Variants in TUBB3 observed in about 807,000 individuals in gnomAD.
The protein encoded by TUBB3 is tubulin beta-3 chain.
TUBB3 carries 17 observed loss-of-function variants against 37.8 expected under a neutral mutation model. The observed-to-expected ratio is 0.45, with a 90% CI of 0.31 to 0.67. The LOEUF is 0.67. Among genes scored for constraint, TUBB3 ranks in the 30% least tolerant of loss-of-function variants. TUBB3 has a pLI of 0.07. For synonymous variants in TUBB3, 332 were observed against 278.9 expected, an observed-to-expected ratio of 1.19 and a Z score of -1.90; for missense variants, 262 against 657.9, an observed-to-expected ratio of 0.40 and a Z score of 6.58.
intron 1 of TUBB3, chr16:89,931,544 C>CTCT (rs57346585): frequency 0.34 from 51,300 of 152,346 alleles, 9,183 homozygotes; most frequent in East Asian, 0.65. Context: ...GAAGGGCTTG[C>CTCT]TCTCACCCAG....
At chr16:89,929,776 A>C (rs2030215567) in intron 1 of TUBB3, among the ~76,000 whole-genome samples, 1 of 152,096 alleles carries the variant, frequency 6.6e-6, no homozygotes, top group Non-Finnish European at 1.5e-5. Flanking sequence ...ACATAAGCTC[A>C]CTGCAACCTC....
intron 1 of TUBB3, among the ~76,000 whole-genome samples, chr16:89,925,134 A>T (rs4625719): frequency 0.11 from 16,751 of 152,016 alleles, 992 homozygotes; most frequent in Middle Eastern, 0.13. Context: ...ACATGCAGAC[A>T]TCCCCTGAGG....
rs1041742241 is a variant in TUBB3 at position 89,929,811 on chromosome 16, C to T, written c.58-2760C>T. Among the ~76,000 whole-genome samples, 6 of 152,206 alleles carry T rather than the reference C, an allele frequency of 3.9e-5. No homozygotes were observed. The South Asian group carries it at 8.3e-4, about 21-fold the overall frequency. ...CCACCTCCCGAGTTCGTGTGATTCT[C>T]CGCCTCAGCCTCCCAAGCAGCTGGG... On this transcript the variant is annotated intron_variant, in intron 1 of 3. Coordinates refer to ENST00000315491, the MANE Select transcript of TUBB3 (RefSeq NM_006086.4).
intron 2 of TUBB3, chr16:89,933,181 G>T: frequency 1.5e-6 from 1 of 659,958 alleles, no homozygotes; most frequent in Non-Finnish European, 2.8e-6. Context: ...ACCTGCCTTG[G>T]CCTCCCAAAG....
intron 3 of TUBB3, chr16:89,934,472 C>G (rs2030384114): frequency 4.8e-6 from 3 of 628,308 alleles, no homozygotes; most frequent in Non-Finnish European, 8.9e-6. Context: ...AGGATCCCCT[C>G]AGGAGGCAGA....
chr16:89,923,617 C>T (rs2029965317), intron 1 of TUBB3, among the ~76,000 whole-genome samples, 159 bp downstream of exon 1: 1 of 152,130 alleles, frequency 6.6e-6, no homozygotes, highest in African/African-American at 2.4e-5. Flanking sequence ...GGGCCCCCGC[C>T]CTGGGACTCT....
chr16:89,926,261 C>G (rs1351956910), intron 1 of TUBB3, among the ~76,000 whole-genome samples: 4 of 152,026 alleles, frequency 2.6e-5, no homozygotes, highest in African/African-American at 4.8e-5. Context: ...GGCTGCGGGG[C>G]GGGGCTGGGG....
chr16:89,926,778 C>T (rs558219396), intron 1 of TUBB3, among the ~76,000 whole-genome samples: 50 of 152,026 alleles, frequency 3.3e-4, no homozygotes, highest in African/African-American at 1.2e-3. Context: ...AGTGCAGTGG[C>T]GCGATCTCGG....
chr16:89,925,517 G>A (rs35222244), intron 1 of TUBB3, among the ~76,000 whole-genome samples: 1 of 152,096 alleles, frequency 6.6e-6, no homozygotes, highest in Non-Finnish European at 1.5e-5. Flanking sequence ...CATTGCTTCA[G>A]CGTGGGAGGT....
chr16:89,933,147 C>T (rs528488269), intron 2 of TUBB3: 133 of 621,012 alleles, frequency 2.1e-4, no homozygotes, highest in African/African-American at 1.5e-3. Context: ...AGGCTGGTCT[C>T]GAACTCCTGG....
rs1184022059 is a variant in TUBB3 at position 89,926,654 on chromosome 16, G to T, written c.57+3196G>T. On this transcript the variant is annotated intron_variant, in intron 1 of 3. Coordinates refer to ENST00000315491, the MANE Select transcript of TUBB3 (RefSeq NM_006086.4). ...AGAGGCGCGATCTCGGCTCACTGCA[G>T]CCTCGGCCTCCCGAGTAGCTGGGAC... Among the ~76,000 whole-genome samples the T allele has an allele frequency of 3.9e-5, 6 of 152,104 alleles. No individual in the cohort carries two copies. The East Asian group carries it at 9.6e-4, about 24-fold the overall frequency.
At chr16:89,933,427 C>G in intron 2 of TUBB3, 41 bp from the exon 3 acceptor site, 1 of 1,464,708 alleles carries the variant, frequency 6.8e-7, no homozygotes, top group Non-Finnish European at 9.6e-7. Flanking sequence ...GAGGCTCTGG[C>G]CCTCTGTGAC....
intron 1 of TUBB3, among the ~76,000 whole-genome samples, chr16:89,924,222 C>T (rs970637656): frequency 6.6e-6 from 1 of 152,228 alleles, no homozygotes; most frequent in African/African-American, 2.4e-5. Flanking sequence ...ATGTTGGGGC[C>T]ACGCAGAAAG....
chr16:89,931,715 G>A (rs2030285036), intron 1 of TUBB3: 1 of 244,520 alleles, frequency 4.1e-6, no homozygotes, highest in African/African-American at 2.2e-5. Context: ...CTAGTGACCT[G>A]TGCAAGGTCA....
chr16:89,926,673 C>G (rs1191392792), intron 1 of TUBB3, among the ~76,000 whole-genome samples: 1 of 152,154 alleles, frequency 6.6e-6, no homozygotes, highest in African/African-American at 2.4e-5. Flanking sequence ...TCCCGAGTAG[C>G]TGGGACCGCA....
rs774805055 is a variant in TUBB3, at chr16:89,923,376, G to C, written c.-26G>C. On this transcript the variant is annotated 5_prime_UTR_variant, in exon 1 of 4. Coordinates refer to ENST00000315491, the MANE Select transcript of TUBB3 (RefSeq NM_006086.4). The stretch of plus-strand genomic sequence containing the variant: ...CAGCCCGGCCCGCCCGCGCCCGTCC[G>C]CAGCCGCCCGCCAGACGCGCCCAGT... 3.4e-6 allele frequency: 5 copies of C among 1,454,590 alleles called. No individual in the cohort carries two copies. In the South Asian group the frequency reaches 5.2e-5, roughly 15 times the overall value. 90.1% of individuals were successfully genotyped at this position (1,454,590 alleles called of 1,614,324 possible).
intron 1 of TUBB3, among the ~76,000 whole-genome samples, chr16:89,928,433 A>G (rs2030162413): frequency 6.6e-6 from 1 of 151,426 alleles, no homozygotes; most frequent in Admixed American, 6.6e-5. Flanking sequence ...ATCTCGGCTC[A>G]CTGCAACCTC....
Position 89,934,809 on chromosome 16 carries a change from G to C in TUBB3, c.358G>C (p.Val120Leu). 2 of 1,614,190 alleles carry C rather than the reference G, an allele frequency of 1.2e-6. No homozygotes were observed. Among genetic ancestry groups the C allele is most frequent in the Non-Finnish European group, 1.7e-6 (2 of 1,180,016 alleles). The change falls in exon 4 of 4, where the codon GTG (valine) becomes CTG (leucine). Residue 120 changes from valine to leucine, a missense_variant. This residue lies in a region of TUBB3 where 165 missense variants were observed against 556.8 expected (regional missense o/e 0.30). Coordinates refer to ENST00000315491, the MANE Select transcript of TUBB3 (RefSeq NM_006086.4). ...AELVDSVLDV[V>L]RKECENCDCL... ...GCTGGTGGATTCGGTCCTGGATGTG[G>C]TGCGGAAGGAGTGTGAAAACTGCGA... is the stretch of plus-strand genomic sequence containing the variant.
chr16:89,926,195 A>C (rs1048893931), intron 1 of TUBB3, among the ~76,000 whole-genome samples: 1 of 152,068 alleles, frequency 6.6e-6, no homozygotes, highest in African/African-American at 2.4e-5. Flanking sequence ...GTTCGCCTGC[A>C]GCGGCGGAGG....
Sources: gnomAD v4.1 joint callset for allele counts (sites outside exome capture counted in the v4.1 genomes callset) on GRCh38, gnomAD v4.1.1 for gene constraint, gnomAD v4.1.1 regional missense constraint, MANE v1.5 for transcripts, NCBI Gene and HGNC (gene_info 2026-07-23, HGNC 2026-07-21) for gene names.